POF1B: variants seen among roughly 807,000 people sequenced by gnomAD.
The protein encoded by POF1B is POF1B actin binding protein.
A neutral mutation model predicts 55.3 loss-of-function variants in POF1B; 53 were observed. The observed-to-expected ratio is 0.96, with a 90% CI of 0.77 to 1.20. POF1B has a LOEUF of 1.20. POF1B is among the 50% of genes most tolerant of loss of function. The pLI, the probability that POF1B is intolerant of heterozygous loss-of-function variation, is 0.00. For missense variants in POF1B, 478 were observed against 420.5 expected (o/e 1.14, Z -1.20); for synonymous variants, 188 against 148.3 (o/e 1.27, Z -1.95).
intron 7 of POF1B, among the ~76,000 whole-genome samples, chrX:85,316,748 G>A: frequency 9.1e-6 from 1 of 110,339 alleles, no homozygotes; most frequent in Middle Eastern, 4.7e-3. Flanking sequence ...TTAGGTTGAG[G>A]GGTACATGTA....
chrX:85,342,361 C>T (rs1211178693), intron 6 of POF1B, among the ~76,000 whole-genome samples: 1 of 111,565 alleles, frequency 9.0e-6, no homozygotes, highest in African/African-American at 3.2e-5. Context: ...AATAGTCTTA[C>T]AATGAAACTA....
At chrX:85,281,179 CTT>C (rs58815023) in intron 16 of POF1B, among the ~76,000 whole-genome samples, 1,013 of 99,825 alleles carry the variant, frequency 0.01, 14 homozygotes, top group African/African-American at 0.034. Flanking sequence ...CATGTACAGA[CTT>C]TTTTTTTTTT....
intron 13 of POF1B, 136 bp from the exon 14 acceptor site, chrX:85,304,607 G>A (rs73234691): frequency 3.7e-5 from 11 of 299,653 alleles, no homozygotes; most frequent in Middle Eastern, 1.2e-3. Context: ...ATAAACGTTC[G>A]AAGAATTTCA....
chrX:85,342,070 C>G (rs1439884973), intron 6 of POF1B, among the ~76,000 whole-genome samples: 1 of 111,278 alleles, frequency 9.0e-6, no homozygotes. Context: ...GAGCTGTTCC[C>G]TGTCATCAAC....
At chrX:85,365,634 T>C (rs1417938087) in intron 3 of POF1B, among the ~76,000 whole-genome samples, 2 of 111,674 alleles carry the variant, frequency 1.8e-5, no homozygotes, top group African/African-American at 6.5e-5. Context: ...TCCTCACAGT[T>C]GCAGCTATGC....
At chrX:85,286,123 CTAA>C (rs773399937) in intron 15 of POF1B, among the ~76,000 whole-genome samples, 1 of 110,578 alleles carries the variant, frequency 9.0e-6, no homozygotes, top group East Asian at 2.9e-4. Flanking sequence ...TATTTAGGGG[CTAA>C]TAATATATGT....
At chrX:85,360,073 A>G (rs1299291602) in intron 3 of POF1B, among the ~76,000 whole-genome samples, 7 of 110,770 alleles carry the variant, frequency 6.3e-5, no homozygotes, top group African/African-American at 2.3e-4. Flanking sequence ...AGAGGACCAT[A>G]GATATCACTG....
At chrX:85,286,806 C>A (rs1289955502) in intron 15 of POF1B, among the ~76,000 whole-genome samples, 1 of 110,674 alleles carries the variant, frequency 9.0e-6, no homozygotes, top group African/African-American at 3.3e-5. Context: ...GTTTATGTAC[C>A]CTCCCAGCAG....
chrX:85,350,006 A>G (rs139487199), intron 5 of POF1B, among the ~76,000 whole-genome samples: 2 of 110,615 alleles, frequency 1.8e-5, no homozygotes, highest in African/African-American at 6.6e-5. Context: ...TCTAGATGCC[A>G]TGGAATTACT....
At chrX:85,280,072 A>G (rs1430217673) in intron 16 of POF1B, among the ~76,000 whole-genome samples, 1 of 111,294 alleles carries the variant, frequency 9.0e-6, no homozygotes, top group African/African-American at 3.2e-5. Context: ...AGTTATTTTT[A>G]CTTTGGGATT....
chrX:85,321,436 C>T (rs1184446012), intron 7 of POF1B, among the ~76,000 whole-genome samples: 2 of 109,705 alleles, frequency 1.8e-5, no homozygotes, highest in African/African-American at 6.7e-5. Context: ...ATTGATGGGA[C>T]GTATCTCAAA....
chrX:85,339,203 AAG>A (rs1202600101), intron 6 of POF1B, among the ~76,000 whole-genome samples: 3 of 110,707 alleles, frequency 2.7e-5, no homozygotes, highest in Non-Finnish European at 5.7e-5. Flanking sequence ...AGCAGGCAAA[AAG>A]AGAGAGCTTG....
At chrX:85,334,231 C>T (rs1350437465) in intron 6 of POF1B, among the ~76,000 whole-genome samples, 1 of 110,177 alleles carries the variant, frequency 9.1e-6, no homozygotes, top group Non-Finnish European at 1.9e-5. Flanking sequence ...TGCCTTGGGC[C>T]AGAATAATGG....
intron 2 of POF1B, among the ~76,000 whole-genome samples, chrX:85,376,609 A>G (rs1178234318): frequency 2.7e-5 from 3 of 111,588 alleles, no homozygotes; most frequent in Non-Finnish European, 5.7e-5. Flanking sequence ...AAAAACATAA[A>G]ATATATGTTT....
At chrX:85,378,605 C>T (rs144549658) in intron 2 of POF1B, among the ~76,000 whole-genome samples, 518 of 111,689 alleles carry the variant, frequency 4.6e-3, no homozygotes, top group African/African-American at 0.016. Context: ...ACAAGTATTC[C>T]ATAAATTATT....
At chrX:85,291,286 G>T (rs1342386162) in intron 15 of POF1B, among the ~76,000 whole-genome samples, 1 of 111,375 alleles carries the variant, frequency 9.0e-6, no homozygotes, top group Non-Finnish European at 1.9e-5. Context: ...CTGTTCCATT[G>T]GTCTATGTAT....
intron 15 of POF1B, among the ~76,000 whole-genome samples, chrX:85,294,825 C>T (rs1189750458): frequency 1.8e-5 from 2 of 111,503 alleles, no homozygotes; most frequent in African/African-American, 6.5e-5. Context: ...GTAGTATTTA[C>T]CTGTGAATCC....
chrX:85,348,111 A>G (rs1483908531), intron 5 of POF1B, among the ~76,000 whole-genome samples: 2 of 111,198 alleles, frequency 1.8e-5, no homozygotes, highest in African/African-American at 6.5e-5. Context: ...TTAATGTATC[A>G]GTTGTCTCTT....
At chrX:85,349,236 G>A (rs1379727777) in intron 5 of POF1B, among the ~76,000 whole-genome samples, 4 of 111,332 alleles carry the variant, frequency 3.6e-5, no homozygotes, top group African/African-American at 1.3e-4. Context: ...TAATGCATTA[G>A]TTCCTATGAA....
Sources: allele counts gnomAD v4.1 joint callset (sites outside exome capture counted in the v4.1 genomes callset), GRCh38; gene constraint gnomAD v4.1.1; transcripts MANE v1.5; gene names NCBI Gene and HGNC (gene_info 2026-07-23, HGNC 2026-07-21).